The following TENT2 variants were observed in gnomAD, a reference collection of about 807,000 sequenced individuals.
The protein encoded by TENT2 is terminal nucleotidyltransferase 2, also known as poly(A) RNA polymerase GLD2.
Under a neutral mutation model 72.2 loss-of-function variants are expected in TENT2, and 44 were observed. The observed-to-expected ratio is 0.61, with a 90% CI of 0.48 to 0.78. TENT2 has a LOEUF of 0.78. Ranked by LOEUF, TENT2 falls within the 30% of genes least tolerant of loss-of-function variation. The pLI is 0.00. For synonymous variants in TENT2, 212 were observed against 192.5 expected (o/e 1.10, Z -0.84); for missense variants, 541 against 569.6 (o/e 0.95, Z 0.51).
At position 79,652,508 on chromosome 5, in the gene TENT2, A is replaced by T. The variant is rs545831720; in HGVS notation, c.1027+3318A>T. Among the ~76,000 whole-genome samples, 6 of 152,206 alleles carry T rather than the reference A, an allele frequency of 3.9e-5. No individual in the cohort carries two copies. In the South Asian group the frequency reaches 1.2e-3, roughly 32 times the overall value. On this transcript the variant is annotated intron_variant, in intron 10 of 14. Coordinates refer to ENST00000453514, the MANE Select transcript of TENT2 (RefSeq NM_001114394.3). Reference sequence around the variant, plus strand: ...ACTATACTTGCAGATGTTTTATAATATATGAGAGTATATTTTCCTTTGGAT... The same window carrying T: ...ACTATACTTGCAGATGTTTTATAATTTATGAGAGTATATTTTCCTTTGGAT...
rs752671941 is a variant in TENT2, at chr5:79,641,216, T to G, written c.672+20T>G. 7 of 1,517,348 alleles carry G rather than the reference T, an allele frequency of 4.6e-6. No homozygotes were observed. In the Middle Eastern group the frequency reaches 5.2e-4, roughly 112 times the overall value. The allele number at this position is 1,517,348 out of a possible 1,614,324, so 94.0% of individuals were successfully genotyped here. A position where few individuals can be genotyped will look rare whatever the true frequency, so the allele number is the denominator to read the frequency against. On this transcript the variant is annotated intron_variant, in intron 6 of 14. Coordinates refer to ENST00000453514, the MANE Select transcript of TENT2 (RefSeq NM_001114394.3). ...GAACCAGTAAGTAAGGAAACATTTA[T>G]TCCAAGTGTGTTTCTCATGTTAATG...
intron 11 of TENT2, among the ~76,000 whole-genome samples, chr5:79,664,593 T>C (rs1805746468): frequency 1.8e-5 from 2 of 110,116 alleles, no homozygotes. Flanking sequence ...TCACTCTGTC[T>C]CAAAAAAAAA....
At chr5:79,656,471 C>T (rs1035870435) in intron 10 of TENT2, among the ~76,000 whole-genome samples, 7 of 151,522 alleles carry the variant, frequency 4.6e-5, no homozygotes, top group South Asian at 2.1e-4. Context: ...TTTTCCTGAA[C>T]GATTTCAATT....
At chr5:79,671,026 G>C (rs1812616418) in intron 12 of TENT2, among the ~76,000 whole-genome samples, 1 of 152,000 alleles carries the variant, frequency 6.6e-6, no homozygotes, top group Non-Finnish European at 1.5e-5. Context: ...AGGATTCACA[G>C]AACAAAGATA....
rs372427405 is a variant in TENT2, at chr5:79,619,613, T to G, written c.-36T>G. On this transcript the variant is annotated splice_region_variant and 5_prime_UTR_variant, in exon 2 of 15. Coordinates refer to ENST00000453514, the MANE Select transcript of TENT2 (RefSeq NM_001114394.3). Reference sequence around the variant, plus strand: ...TATTGTCTTTTTAAATTATCCTAGGTAGAAGAATACATGTTCACTTCCAGT... The same window carrying G: ...TATTGTCTTTTTAAATTATCCTAGGGAGAAGAATACATGTTCACTTCCAGT... The G allele has an allele frequency of 4.3e-5, 69 of 1,601,560 alleles. No homozygotes were observed. Among genetic ancestry groups the G allele is most frequent in the Admixed American group, 1.0e-4 (6 of 58,094 alleles).
intron 11 of TENT2, among the ~76,000 whole-genome samples, chr5:79,659,256 C>T (rs539035427): frequency 1.3e-4 from 20 of 151,616 alleles, no homozygotes; most frequent in Middle Eastern, 6.8e-3. Context: ...AATAACCATC[C>T]GGGCGTGGTG....
intron 4 of TENT2, among the ~76,000 whole-genome samples, chr5:79,626,120 C>T (rs9800020): frequency 0.2 from 30,794 of 151,612 alleles, 4,610 homozygotes; most frequent in African/African-American, 0.42. Context: ...AGCCACTGCA[C>T]CTGGCCTAGT....
At chr5:79,676,341 C>CT (rs1219663011) in intron 12 of TENT2, among the ~76,000 whole-genome samples, 2 of 151,972 alleles carry the variant, frequency 1.3e-5, no homozygotes, top group African/African-American at 2.4e-5. Flanking sequence ...GCTCACGCAC[C>CT]TTGGGAGGCT....
intron 3 of TENT2, among the ~76,000 whole-genome samples, chr5:79,622,983 A>G (rs1194627521): frequency 6.6e-6 from 1 of 152,134 alleles, no homozygotes; most frequent in African/African-American, 2.4e-5. Context: ...GAGATGAAAC[A>G]TTGGGGTAGT....
Position 79,619,748 on chromosome 5 carries a change from C to T in TENT2, c.100C>T (p.Gln34Ter). Residue 34 changes from glutamine (Q) to a stop codon, truncating the protein, a stop_gained, in exon 2 of 15, where the codon CAG becomes TAG. Transcript: ENST00000453514. LOFTEE classifies it high-confidence loss of function. ...GTCACCTACTGTTTATTCACACCAG[C>T]AGCTTATAGATGCACAATTCAACTT... is the stretch of plus-strand genomic sequence containing the variant. ...TLSPTVYSHQQLIDAQFNFQN... is the reference protein window; with the variant it reads ...TLSPTVYSHQ 2 of 1,613,776 alleles carry T rather than the reference C, an allele frequency of 1.2e-6. No individual in the cohort carries two copies. The highest frequency in any genetic ancestry group is 1.7e-6 in the Non-Finnish European group (2 of 1,179,796).
At chr5:79,666,069 A>G (rs61212610) in intron 11 of TENT2, among the ~76,000 whole-genome samples, 9,666 of 149,796 alleles carry the variant, frequency 0.065, 416 homozygotes, top group South Asian at 0.12. Flanking sequence ...GCTTACTGCA[A>G]CCTCCACCTC....
intron 12 of TENT2, 102 bp downstream of exon 12, chr5:79,669,130 G>C: frequency 7.4e-7 from 1 of 1,352,068 alleles, no homozygotes; most frequent in Non-Finnish European, 9.9e-7. Context: ...TACAGATTTA[G>C]TCAGGAGCTG....
intron 12 of TENT2, 105 bp downstream of exon 12, chr5:79,669,133 A>T: frequency 7.4e-7 from 1 of 1,346,102 alleles, no homozygotes; most frequent in Non-Finnish European, 1.0e-6. Context: ...AGATTTAGTC[A>T]GGAGCTGTGT....
chr5:79,654,772 AAATT>A (rs890652313), intron 10 of TENT2, among the ~76,000 whole-genome samples: 12 of 152,164 alleles, frequency 7.9e-5, no homozygotes, highest in African/African-American at 2.9e-4. Flanking sequence ...TCAAAAAAAA[AAATT>A]AATAAATAAG....
chr5:79,627,700 G>T (rs1278412034), intron 4 of TENT2, among the ~76,000 whole-genome samples: 3 of 152,078 alleles, frequency 2.0e-5, no homozygotes, highest in African/African-American at 4.8e-5. Flanking sequence ...GGTCAGGCTG[G>T]TCTCAAACTC....
At chr5:79,621,203 A>G (rs1388309636) in intron 3 of TENT2, among the ~76,000 whole-genome samples, 1 of 152,170 alleles carries the variant, frequency 6.6e-6, no homozygotes, top group Non-Finnish European at 1.5e-5. Flanking sequence ...ATCACGTAAC[A>G]CTGAGGTAGA....
rs867533729 is a variant in TENT2, at chr5:79,651,858, T to G, written c.1027+2668T>G. Among the ~76,000 whole-genome samples, 3 of 152,084 alleles carry G rather than the reference T, an allele frequency of 2.0e-5. No homozygotes were observed. In the South Asian group the frequency reaches 6.2e-4, roughly 31 times the overall value. On this transcript the variant is annotated intron_variant, in intron 10 of 14. Coordinates refer to ENST00000453514, the MANE Select transcript of TENT2 (RefSeq NM_001114394.3). Reference sequence around the variant, plus strand: ...CTTGTCCGTTCTTGGTAATCAAAGTTTTATGGTATACTCCTAGGGTGAAAT... The same window carrying G: ...CTTGTCCGTTCTTGGTAATCAAAGTGTTATGGTATACTCCTAGGGTGAAAT...
At chr5:79,650,554 C>T (rs1213016253) in intron 10 of TENT2, among the ~76,000 whole-genome samples, 2 of 151,616 alleles carry the variant, frequency 1.3e-5, no homozygotes, top group African/African-American at 4.8e-5. Flanking sequence ...GTTTGGTGCT[C>T]CTTGTATTTA....
At chr5:79,637,620 T>G (rs1347540935) in intron 4 of TENT2, among the ~76,000 whole-genome samples, 1 of 151,720 alleles carries the variant, frequency 6.6e-6, no homozygotes, top group Admixed American at 6.6e-5. Flanking sequence ...AGAAGGGAGG[T>G]TTTGCCATGT....
Sources: allele counts gnomAD v4.1 joint callset (sites outside exome capture counted in the v4.1 genomes callset), GRCh38; gene constraint gnomAD v4.1.1; transcripts MANE v1.5; gene names NCBI Gene and HGNC (gene_info 2026-07-23, HGNC 2026-07-21).